WHRN: variants seen among roughly 807,000 people sequenced by gnomAD.
WHRN encodes whirlin.
A neutral mutation model predicts 68.3 loss-of-function variants in WHRN; 41 were observed. That is an observed-to-expected ratio of 0.60 (90% CI 0.47 to 0.78). The LOEUF is 0.78. Among genes scored for constraint, WHRN ranks in the 30% least tolerant of loss-of-function variants. The probability of loss-of-function intolerance (pLI) is 0.00; values close to 1 mark genes in which losing one functional copy is unlikely to be tolerated. For missense variants in WHRN, 1,243 were observed against 1,244.7 expected (o/e 1.00, Z 0.02); for synonymous variants, 560 against 561.3 (o/e 1.00, Z 0.03).
chr9:114,403,240 G>C lies in WHRN; in HGVS notation c.2518C>G (p.Leu840Val). The C allele has an allele frequency of 6.2e-7, 1 of 1,614,212 alleles. No homozygotes were observed. Among genetic ancestry groups the C allele is most frequent in the African/African-American group, 1.3e-5 (1 of 75,062 alleles). ...ACCTGAATAGTGACAATCCTAGGCA[G>C]GGGCTGGCGGGTGTTGGCGCCACCC... ...IEGGANTRQP[L>V]PRIVTIQRGG... Residue 840 changes from leucine (L) to valine (V), a missense_variant, in exon 11 of 12, where the codon CTG becomes GTG. By Grantham distance (32) the Leu-to-Val change is conservative. Transcript: ENST00000362057.
At position 114,504,663 on chromosome 9, in the gene WHRN, T is replaced by C. The variant is rs556585167; in HGVS notation, c.139A>G (p.Thr47Ala). Reference protein sequence around the residue: ...ANVRQLHQALTALLSEAEREQ... With the variant: ...ANVRQLHQALAALLSEAEREQ... ...CGCTCCGCCTCGCTCAGCAGCGCGG[T>C]CAGCGCTTGGTGCAGCTGGCGCACG... The change falls in exon 1 of 12, where the codon ACC becomes GCC. Residue 47 changes from threonine (T) to alanine (A), a missense_variant. Physicochemically the swap from Thr to Ala is moderately conservative, Grantham distance 58 (BLOSUM62 0). Transcript: ENST00000362057. The C allele has an allele frequency of 1.2e-4, 185 of 1,604,488 alleles. 3 individuals are homozygous for C. In the East Asian group the frequency reaches 4.1e-3, roughly 36 times the overall value.
At chr9:114,478,866 GC>G in intron 1 of WHRN, 95 bp from the exon 2 acceptor site, 1 of 1,213,132 alleles carries the variant, frequency 8.2e-7, no homozygotes. Flanking sequence ...TTTCTCAGGA[GC>G]CCCACATGGA....
At chr9:114,485,854 A>T (rs3927468) in intron 1 of WHRN, among the ~76,000 whole-genome samples, 144,919 of 150,838 alleles carry the variant, frequency 0.96, 69,878 homozygotes, top group Non-Finnish European at 1. Flanking sequence ...TTTTTTTTTT[A>T]AAATTTAAAA....
chr9:114,420,969 T>C (rs1370681685), intron 7 of WHRN, among the ~76,000 whole-genome samples: 2 of 151,838 alleles, frequency 1.3e-5, no homozygotes, highest in Admixed American at 1.3e-4. Flanking sequence ...AATTTTCTCT[T>C]AGAATCACTT....
intron 1 of WHRN, among the ~76,000 whole-genome samples, chr9:114,480,993 G>A (rs745601611): frequency 6.6e-6 from 1 of 152,138 alleles, no homozygotes; most frequent in African/African-American, 2.4e-5. Flanking sequence ...GTTCCACAAT[G>A]AGGTCACATT....
rs1419965394 is a variant in WHRN at position 114,424,968 on chromosome 9, C to T, written c.1203+20G>A. 2 of 1,613,448 alleles carry T rather than the reference C, an allele frequency of 1.2e-6. No homozygotes were observed. The highest frequency in any genetic ancestry group is 2.7e-5 in the African/African-American group (2 of 74,846). ...GGGAGCTGTGAGGAAGCAGAGAATA[C>T]CCCTTAGAGGATGTCCTACCTTGTT... On this transcript the variant is annotated intron_variant, in intron 5 of 11. Transcript: ENST00000362057.
intron 1 of WHRN, among the ~76,000 whole-genome samples, chr9:114,481,359 T>A (rs1364676925): frequency 6.6e-6 from 1 of 152,234 alleles, no homozygotes; most frequent in Non-Finnish European, 1.5e-5. Context: ...TTTGTGAAGA[T>A]GCACAGGGTA....
At chr9:114,428,629 T>G (rs970993632) in intron 3 of WHRN, among the ~76,000 whole-genome samples, 17 of 152,202 alleles carry the variant, frequency 1.1e-4, no homozygotes, top group African/African-American at 3.4e-4. Flanking sequence ...TTTCTACTGC[T>G]GGGCTGCTGC....
At chr9:114,424,948 C>CTG (rs746330339) in intron 5 of WHRN, 40 bp downstream of exon 5, 1 of 1,600,098 alleles carries the variant, frequency 6.2e-7, no homozygotes, top group Non-Finnish European at 8.6e-7. Context: ...ACTCAGGGAG[C>CTG]TGTGAGGAAG....
At chr9:114,473,766 G>A (rs1452256816) in intron 2 of WHRN, among the ~76,000 whole-genome samples, 5 of 152,286 alleles carry the variant, frequency 3.3e-5, no homozygotes, top group Non-Finnish European at 4.4e-5. Flanking sequence ...GACGCAGGCC[G>A]CCTTCTGAAA....
At chr9:114,405,555 T>C (rs1231950081) in intron 9 of WHRN, among the ~76,000 whole-genome samples, 1 of 152,200 alleles carries the variant, frequency 6.6e-6, no homozygotes, top group Non-Finnish European at 1.5e-5. Context: ...TCCCTGCATG[T>C]CCAGCTCAGT....
Position 114,465,297 on chromosome 9 carries a change from G to A in WHRN, c.963+970C>T, listed in dbSNP as rs150105270. On this transcript the variant is annotated intron_variant, in intron 3 of 11. Coordinates refer to ENST00000362057, the MANE Select transcript of WHRN (RefSeq NM_015404.4). ...CCTGATATTAGGGCATGCAAGGAAG[G>A]CCCTTTGTTACAAAGATACAACCTC... 1.5e-4 allele frequency among the ~76,000 whole-genome samples: 23 copies of A among 152,282 alleles called. No homozygotes were observed. The East Asian group carries it at 4.4e-3, about 29-fold the overall frequency.
At chr9:114,445,490 C>T (rs940213451) in intron 3 of WHRN, among the ~76,000 whole-genome samples, 12 of 152,140 alleles carry the variant, frequency 7.9e-5, no homozygotes, top group Non-Finnish European at 1.6e-4. Context: ...TCATGTTCTG[C>T]ACCTCTTCAA....
chr9:114,428,930 TC>T (rs1318741327), intron 3 of WHRN, among the ~76,000 whole-genome samples: 4 of 17,330 alleles, frequency 2.3e-4, no homozygotes, highest in Non-Finnish European at 6.4e-4. Context: ...CAGATTAATT[TC>T]TTTTTTTTTT....
intron 2 of WHRN, 77 bp from the exon 3 acceptor site, chr9:114,466,469 TC>T: frequency 6.3e-7 from 1 of 1,598,520 alleles, no homozygotes; most frequent in Non-Finnish European, 8.5e-7. Context: ...CAAAGCCCCC[TC>T]TCGTACTTTG....
chr9:114,486,814 C>CA (rs59992011), intron 1 of WHRN, among the ~76,000 whole-genome samples: 29,023 of 71,084 alleles, frequency 0.41, 6,911 homozygotes, highest in African/African-American at 0.44. Flanking sequence ...GCTTCCCAGG[C>CA]AAAAAAAAAA....
chr9:114,411,640 A>T (rs1013911041), intron 7 of WHRN, among the ~76,000 whole-genome samples: 2 of 152,170 alleles, frequency 1.3e-5, no homozygotes, highest in Non-Finnish European at 2.9e-5. Flanking sequence ...CAGAAAGGGT[A>T]TTAGAGAACT....
chr9:114,460,009 G>A (rs889872671), intron 3 of WHRN, among the ~76,000 whole-genome samples: 2 of 152,200 alleles, frequency 1.3e-5, no homozygotes, highest in East Asian at 1.9e-4. Context: ...GTTCCAAGGA[G>A]CCTCAGCCAG....
intron 3 of WHRN, among the ~76,000 whole-genome samples, chr9:114,429,386 TC>T (rs1422085264): frequency 5.3e-5 from 8 of 152,326 alleles, no homozygotes; most frequent in African/African-American, 1.9e-4. Flanking sequence ...CTCTATCACT[TC>T]CGTGCCACAT....
Sources: allele counts gnomAD v4.1 joint callset (sites outside exome capture counted in the v4.1 genomes callset), GRCh38; gene constraint gnomAD v4.1.1; transcripts MANE v1.5; gene names NCBI Gene and HGNC (gene_info 2026-07-23, HGNC 2026-07-21).